The following TRIP4 variants were observed in gnomAD, a reference collection of about 807,000 sequenced individuals.
TRIP4 encodes the protein thyroid hormone receptor interactor 4.
A neutral mutation model predicts 81.8 loss-of-function variants in TRIP4; 54 were observed. That is an observed-to-expected ratio of 0.66 (90% CI 0.53 to 0.83). The LOEUF is 0.83. Among genes scored for constraint, TRIP4 ranks in the 40% least tolerant of loss-of-function variants. The probability of loss-of-function intolerance (pLI) is 0.00; values close to 1 mark genes in which losing one functional copy is unlikely to be tolerated. For synonymous variants in TRIP4, 270 were observed against 242.8 expected, an observed-to-expected ratio of 1.11 and a Z score of -1.04; for missense variants, 662 against 683.6, an observed-to-expected ratio of 0.97 and a Z score of 0.35.
chr15:64,453,000 CGT>C (rs1892805638), intron 12 of TRIP4, among the ~76,000 whole-genome samples: 1 of 152,032 alleles, frequency 6.6e-6, no homozygotes, highest in Non-Finnish European at 1.5e-5. Flanking sequence ...ACTTGGCCAA[CGT>C]GGTGAAACCC....
At chr15:64,443,288 T>C (rs1298707695) in intron 11 of TRIP4, among the ~76,000 whole-genome samples, 1 of 152,188 alleles carries the variant, frequency 6.6e-6, no homozygotes, top group African/African-American at 2.4e-5. Flanking sequence ...GTTAATAGGA[T>C]TGATCCAGTA....
chr15:64,408,181 G>A lies in TRIP4; in HGVS notation c.828-1432G>A, dbSNP rs1456323976. ...TATTTTTGTTTTTTTTTTTTGATCC[G>A]CCAGCCTCGGCCTCCCAAAGTGCTG... On this transcript the variant is annotated intron_variant, in intron 6 of 12. Coordinates refer to ENST00000261884, the MANE Select transcript of TRIP4 (RefSeq NM_016213.5). 1.1e-4 allele frequency among the ~76,000 whole-genome samples: 14 copies of A among 129,676 alleles called. 1 individual carries two copies. The highest frequency in any genetic ancestry group is 2.4e-4 in the South Asian group (1 of 4,168). 85.1% of individuals were successfully genotyped at this position (129,676 alleles called of 152,430 possible). A position where few individuals can be genotyped will look rare whatever the true frequency, so the allele number is the denominator to read the frequency against.
chr15:64,416,176 A>C (rs944214307), intron 8 of TRIP4, among the ~76,000 whole-genome samples: 10 of 152,006 alleles, frequency 6.6e-5, no homozygotes, highest in Non-Finnish European at 1.5e-4. Context: ...GGCTGCAGTG[A>C]GCTATGATTA....
rs1038820939 is a variant in TRIP4 at position 64,433,320 on chromosome 15, CT to C, written c.1575+7690del. 2.6e-5 allele frequency among the ~76,000 whole-genome samples: 4 copies of C among 152,242 alleles called. No homozygotes were observed. The East Asian group carries it at 5.8e-4, about 22-fold the overall frequency. On this transcript the variant is annotated intron_variant, in intron 11 of 12. Transcript: ENST00000261884. ...AATTCCAAGCAGGGTGTCATTTCCC[CT>C]CCTTTAGGGATGAAATATCATCCCT...
rs377302659 is a variant in TRIP4, at chr15:64,418,711, T to C, written c.1341T>C (p.Leu447=). The change falls in exon 9 of 13, where the codon CTT becomes CTC. Residue 447 remains leucine, a synonymous_variant. Transcript: ENST00000261884. Reference sequence around the variant, plus strand: ...TACATCAGCCCTGGGCTTCTCTGCTTGTCAGAGGGATTAAAAGGTAAGAAT... The same window carrying C: ...TACATCAGCCCTGGGCTTCTCTGCTCGTCAGAGGGATTAAAAGGTAAGAAT... ...LSVHQPWASL[L]VRGIKRVEGR... is the part of the protein sequence containing the mutation. 2.4e-5 allele frequency: 38 copies of C among 1,611,670 alleles called. No individual in the cohort carries two copies. Among genetic ancestry groups the C allele is most frequent in the Non-Finnish European group, 3.0e-5 (35 of 1,179,258 alleles).
chr15:64,390,446 G>A (rs1900091586), intron 1 of TRIP4, among the ~76,000 whole-genome samples: 1 of 150,936 alleles, frequency 6.6e-6, no homozygotes, highest in African/African-American at 2.4e-5. Flanking sequence ...GGGTGACAGA[G>A]TGAGACCTCG....
At chr15:64,405,438 G>A (rs1891602901) in intron 5 of TRIP4, among the ~76,000 whole-genome samples, 1 of 152,196 alleles carries the variant, frequency 6.6e-6, no homozygotes, top group Non-Finnish European at 1.5e-5. Context: ...ACAGGCGTGA[G>A]CCACTGCACC....
chr15:64,445,667 CAAAAAAA>C (rs34704960), intron 12 of TRIP4, among the ~76,000 whole-genome samples: 1 of 77,984 alleles, frequency 1.3e-5, no homozygotes, highest in Admixed American at 1.8e-4. Flanking sequence ...CACTCAGTCT[CAAAAAAA>C]AAAAAAAAAA....
chr15:64,421,318 C>T (rs1892007489), intron 9 of TRIP4, among the ~76,000 whole-genome samples: 1 of 150,720 alleles, frequency 6.6e-6, no homozygotes. Flanking sequence ...TTTTACGCTA[C>T]CTTTTATTTT....
rs1460236558 is a variant in TRIP4, at chr15:64,449,939, C to G, written c.1678+4831C>G. 4.6e-5 allele frequency among the ~76,000 whole-genome samples: 7 copies of G among 152,168 alleles called. No individual in the cohort carries two copies. In the East Asian group the frequency reaches 1.2e-3, roughly 25 times the overall value. ...GCCCATCTGCTGCACATGCATTTGA[C>G]TTTCTTTTAGGCACTATGATTGAGG... is the stretch of plus-strand genomic sequence containing the variant. On this transcript the variant is annotated intron_variant, in intron 12 of 12. Transcript: ENST00000261884.
intron 12 of TRIP4, among the ~76,000 whole-genome samples, chr15:64,445,967 T>C (rs1431302458): frequency 6.6e-6 from 1 of 152,136 alleles, no homozygotes; most frequent in Non-Finnish European, 1.5e-5. Flanking sequence ...TTATTCATTG[T>C]TCAGTATTCA....
intron 8 of TRIP4, among the ~76,000 whole-genome samples, chr15:64,417,379 C>A (rs1891911211): frequency 6.6e-6 from 1 of 151,980 alleles, no homozygotes; most frequent in African/African-American, 2.4e-5. Context: ...CTTATGGGCT[C>A]AAGTGATCCT....
Position 64,439,827 on chromosome 15 carries a change from G to A in TRIP4, c.1576-5179G>A, listed in dbSNP as rs145156017. On this transcript the variant is annotated intron_variant, in intron 11 of 12. Transcript: ENST00000261884. ...GCATGAGCCACCATGCCTGGCTAAC[G>A]TATAAATCTTATATCTGGAGACAGA... 1.1e-3 allele frequency among the ~76,000 whole-genome samples: 173 copies of A among 152,016 alleles called. 1 individual carries two copies. Among genetic ancestry groups the A allele is most frequent in the Non-Finnish European group, 1.2e-3 (82 of 67,952 alleles).
At position 64,414,512 on chromosome 15, in the gene TRIP4, CT is replaced by C. The variant is rs869202504; in HGVS notation, c.1170+323del. ...TGGTTCTTTTGTTAATGCTCTTTCTCTTTTTTTTTTTTTTTTTTTTTTGAGA... is the reference window on the plus strand; with the variant it reads ...TGGTTCTTTTGTTAATGCTCTTTCTCTTTTTTTTTTTTTTTTTTTTTGAGA... On this transcript the variant is annotated intron_variant, in intron 8 of 12. Coordinates refer to ENST00000261884, the MANE Select transcript of TRIP4 (RefSeq NM_016213.5). Among the ~76,000 whole-genome samples the C allele has an allele frequency of 6.7e-4, 58 of 87,054 alleles. 1 individual carries two copies. The highest frequency in any genetic ancestry group is 2.0e-3 in the African/African-American group (47 of 23,032). The allele number at this position is 87,054 out of a possible 152,430, so 57.1% of individuals were successfully genotyped here. A position where few individuals can be genotyped will look rare whatever the true frequency, so the allele number is the denominator to read the frequency against.
At chr15:64,414,052 C>T (rs887081823) in intron 7 of TRIP4, 33 bp from the exon 8 acceptor site, 1 of 1,609,444 alleles carries the variant, frequency 6.2e-7, no homozygotes, top group Non-Finnish European at 8.5e-7. Flanking sequence ...AGAACATTAC[C>T]AATTGTTGCA....
intron 11 of TRIP4, among the ~76,000 whole-genome samples, chr15:64,439,088 T>A (rs1383486834): frequency 6.6e-6 from 1 of 152,212 alleles, no homozygotes; most frequent in Non-Finnish European, 1.5e-5. Context: ...CCTAGTCAAA[T>A]ATTCAGTCGT....
At chr15:64,446,214 C>T (rs1177882193) in intron 12 of TRIP4, among the ~76,000 whole-genome samples, 1 of 151,626 alleles carries the variant, frequency 6.6e-6, no homozygotes, top group African/African-American at 2.4e-5. Flanking sequence ...GCAGAGGTTG[C>T]AGTGAGCCGA....
chr15:64,395,385 T>C lies in TRIP4; in HGVS notation c.272-13T>C, dbSNP rs1900260320. ...CTGTGTGTGTGTGTATTTTTTTTTT[T>C]CTATCTTTAAAGAAATTTTAGATGG... On this transcript the variant is annotated splice_polypyrimidine_tract_variant and intron_variant, in intron 2 of 12. Coordinates refer to ENST00000261884, the MANE Select transcript of TRIP4 (RefSeq NM_016213.5). 2 of 1,596,140 alleles carry C rather than the reference T, an allele frequency of 1.3e-6. No individual in the cohort carries two copies. Among genetic ancestry groups the C allele is most frequent in the Non-Finnish European group, 1.7e-6 (2 of 1,174,008 alleles).
chr15:64,393,093 T>G (rs1195674259), intron 1 of TRIP4, among the ~76,000 whole-genome samples: 5 of 152,060 alleles, frequency 3.3e-5, no homozygotes, highest in Non-Finnish European at 5.9e-5. Context: ...TTTCTTGCAT[T>G]CCATATCATT....
Sources: allele counts gnomAD v4.1 joint callset (sites outside exome capture counted in the v4.1 genomes callset), GRCh38; gene constraint gnomAD v4.1.1; transcripts MANE v1.5; gene names NCBI Gene and HGNC (gene_info 2026-07-23, HGNC 2026-07-21).